ME2: variants seen among roughly 807,000 people sequenced by gnomAD.
ME2 encodes NAD-dependent malic enzyme, mitochondrial.
ME2 carries 60 observed loss-of-function variants against 73.7 expected under a neutral mutation model. The ratio of observed to expected loss-of-function variants is 0.81; its 90% CI spans 0.66 to 1.01. The LOEUF is 1.01. Ranked by LOEUF, ME2 falls within the 50% of genes least tolerant of loss-of-function variation. The pLI is 0.00. For missense variants in ME2, 594 were observed against 705.5 expected (o/e 0.84, Z 1.79); for synonymous variants, 199 against 236.9 (o/e 0.84, Z 1.47).
At chr18:50,925,501 T>G (rs1392563723) in intron 11 of ME2, among the ~76,000 whole-genome samples, 1 of 152,088 alleles carries the variant, frequency 6.6e-6, no homozygotes, top group African/African-American at 2.4e-5. Context: ...GTTAAAAGAA[T>G]AAAATTTCCC....
At chr18:50,921,318 C>G in intron 10 of ME2, 131 bp downstream of exon 10, 1 of 516,868 alleles carries the variant, frequency 1.9e-6, no homozygotes, top group Non-Finnish European at 3.4e-6. Context: ...CTTCCACTCT[C>G]TTTTCAACAG....
At chr18:50,889,303 T>G (rs1916552929) in intron 1 of ME2, among the ~76,000 whole-genome samples, 1 of 152,136 alleles carries the variant, frequency 6.6e-6, no homozygotes, top group Non-Finnish European at 1.5e-5. Flanking sequence ...GGTTAGAACT[T>G]TCAGCCCTAT....
rs536215935 is a variant in ME2 at position 50,915,881 on chromosome 18, CT to C, written c.393-286del. ...TTGCTTTAGATTTTTTTTTTTTTTC[CT>C]GGTGGTGTATTGAGTTTATTTGAAC... On this transcript the variant is annotated intron_variant, in intron 4 of 15. Coordinates refer to ENST00000321341, the MANE Select transcript of ME2 (RefSeq NM_002396.5). 1.2e-3 allele frequency: 257 copies of C among 217,750 alleles called. 1 individual carries two copies. Among genetic ancestry groups the C allele is most frequent in the Non-Finnish European group, 1.8e-3 (206 of 112,950 alleles). The allele number at this position is 217,750 out of a possible 1,614,324, so 13.5% of individuals were successfully genotyped here.
intron 1 of ME2, among the ~76,000 whole-genome samples, chr18:50,882,275 C>T (rs1916343321): frequency 6.6e-6 from 1 of 152,158 alleles, no homozygotes; most frequent in South Asian, 2.1e-4. Context: ...CTGGGGATTA[C>T]AGGTGTTCGC....
chr18:50,931,006 G>T (rs959647530), intron 12 of ME2, among the ~76,000 whole-genome samples: 3 of 152,200 alleles, frequency 2.0e-5, no homozygotes, highest in African/African-American at 7.2e-5. Context: ...GAAATGGAAA[G>T]TATGTCTTGT....
chr18:50,894,891 A>T (rs1568160257), intron 1 of ME2, among the ~76,000 whole-genome samples: 1 of 151,510 alleles, frequency 6.6e-6, no homozygotes, highest in East Asian at 2.0e-4. Flanking sequence ...AAAAAAAAAA[A>T]ATTTTTTTGA....
rs1207737065 is a variant in ME2 at position 50,950,479 on chromosome 18, T to C, written c.*3295T>C. The stretch of plus-strand genomic sequence containing the variant: ...GCCTCAGATTCTGCTTTTTTTTTTT[T>C]TTTTTTTTTTTTTTTTAAACAGGGT... On this transcript the variant is annotated 3_prime_UTR_variant, in exon 16 of 16. Coordinates refer to ENST00000321341, the MANE Select transcript of ME2 (RefSeq NM_002396.5). 3 of 140,594 alleles carry C rather than the reference T, an allele frequency of 2.1e-5. No individual in the cohort carries two copies. Among genetic ancestry groups the C allele is most frequent in the Non-Finnish European group, 3.1e-5 (2 of 64,824 alleles). 8.7% of individuals were successfully genotyped at this position (140,594 alleles called of 1,614,324 possible). A position where few individuals can be genotyped will look rare whatever the true frequency, so the allele number is the denominator to read the frequency against.
intron 12 of ME2, among the ~76,000 whole-genome samples, chr18:50,928,697 A>G (rs1917622040): frequency 6.6e-6 from 1 of 152,180 alleles, no homozygotes; most frequent in Admixed American, 6.5e-5. Flanking sequence ...GGCCTGGGGT[A>G]TTTCCAGTTT....
At chr18:50,888,603 G>A (rs918568224) in intron 1 of ME2, among the ~76,000 whole-genome samples, 6 of 151,964 alleles carry the variant, frequency 3.9e-5, no homozygotes, top group Admixed American at 1.3e-4. Flanking sequence ...TTTAAACTAG[G>A]TGATGTCTAA....
intron 15 of ME2, among the ~76,000 whole-genome samples, chr18:50,944,599 G>T (rs1462520742): frequency 6.6e-6 from 1 of 152,134 alleles, no homozygotes; most frequent in African/African-American, 2.4e-5. Flanking sequence ...CTTTTTCTGT[G>T]GTTACTACCA....
At chr18:50,926,595 A>G (rs897145435) in intron 12 of ME2, among the ~76,000 whole-genome samples, 20 of 152,092 alleles carry the variant, frequency 1.3e-4, no homozygotes, top group Non-Finnish European at 2.4e-4. Flanking sequence ...CAGTATCTCT[A>G]CTTTGGCCAC....
rs779690885 is a variant in ME2 at position 50,952,866 on chromosome 18, A to G, written c.*5682A>G. The G allele has an allele frequency of 8.5e-5, 13 of 152,294 alleles. No individual in the cohort carries two copies. The highest frequency in any genetic ancestry group is 1.9e-4 in the Non-Finnish European group (13 of 68,026). 9.4% of individuals were successfully genotyped at this position (152,294 alleles called of 1,614,324 possible). The stretch of plus-strand genomic sequence containing the variant: ...CCTACTCTATACCAGACACTGTTCT[A>G]AGGATCCGACATATTTAATCCTCTG... On this transcript the variant is annotated 3_prime_UTR_variant, in exon 16 of 16. Coordinates refer to ENST00000321341, the MANE Select transcript of ME2 (RefSeq NM_002396.5).
intron 12 of ME2, among the ~76,000 whole-genome samples, chr18:50,930,310 A>G (rs1238008217): frequency 6.6e-6 from 1 of 152,166 alleles, no homozygotes; most frequent in Non-Finnish European, 1.5e-5. Context: ...TTTTACATAA[A>G]TTCTTTCTTA....
intron 12 of ME2, among the ~76,000 whole-genome samples, chr18:50,927,633 C>T (rs9675859): frequency 0.056 from 8,280 of 148,290 alleles, 305 homozygotes; most frequent in African/African-American, 0.092. Context: ...ACCCACGAGG[C>T]GGAGCTTGCA....
At chr18:50,934,159 T>C (rs908186988) in intron 13 of ME2, 2 of 152,216 alleles carry the variant, frequency 1.3e-5, no homozygotes, top group African/African-American at 4.8e-5. Flanking sequence ...TGTGTCTTTA[T>C]GGTAGAATGA....
chr18:50,932,090 T>A (rs1328878684), intron 12 of ME2, among the ~76,000 whole-genome samples, 168 bp from the exon 13 acceptor site: 3 of 152,232 alleles, frequency 2.0e-5, no homozygotes, highest in Non-Finnish European at 4.4e-5. Flanking sequence ...ACAAACCTCA[T>A]TCTAACAAAA....
At chr18:50,909,840 C>T (rs1313454415) in intron 3 of ME2, among the ~76,000 whole-genome samples, 1 of 151,726 alleles carries the variant, frequency 6.6e-6, no homozygotes, top group Non-Finnish European at 1.5e-5. Context: ...ATTGTTAGAG[C>T]AAGGTCTAGG....
intron 1 of ME2, among the ~76,000 whole-genome samples, chr18:50,880,464 A>G (rs1916291408): frequency 6.6e-6 from 1 of 152,250 alleles, no homozygotes. Flanking sequence ...TACTCTGTAA[A>G]TTAGATGAGA....
intron 12 of ME2, among the ~76,000 whole-genome samples, chr18:50,927,605 G>C (rs1259510491): frequency 6.6e-6 from 1 of 150,974 alleles, no homozygotes; most frequent in African/African-American, 2.4e-5. Flanking sequence ...GGGAGGCTGA[G>C]GCAGGAGAAT....
Sources: allele counts gnomAD v4.1 joint callset (sites outside exome capture counted in the v4.1 genomes callset), GRCh38; gene constraint gnomAD v4.1.1; transcripts MANE v1.5; gene names NCBI Gene and HGNC (gene_info 2026-07-23, HGNC 2026-07-21).